The following SMARCAL1 variants were observed in gnomAD, a reference collection of about 807,000 sequenced individuals.
SMARCAL1 encodes the protein ATP-driven annealing helicase.
In SMARCAL1, 58 loss-of-function variants were observed where a neutral mutation model predicts 94.5. The observed-to-expected ratio is 0.61, with a 90% CI of 0.50 to 0.76. SMARCAL1 has a LOEUF of 0.76. Among genes scored for constraint, SMARCAL1 ranks in the 30% least tolerant of loss-of-function variants. The pLI, the probability that SMARCAL1 is intolerant of heterozygous loss-of-function variation, is 0.00. For missense variants in SMARCAL1, 1,051 were observed against 1,177.9 expected (o/e 0.89, Z 1.58); for synonymous variants, 422 against 455.1 (o/e 0.93, Z 0.93).
intron 12 of SMARCAL1, among the ~76,000 whole-genome samples, chr2:216,461,356 G>A (rs1301943289): frequency 6.6e-6 from 1 of 151,620 alleles, no homozygotes; most frequent in Non-Finnish European, 1.5e-5. Context: ...GTGTGTATAT[G>A]TTGCTTTAAG....
At chr2:216,429,765 G>A (rs1469712743) in intron 7 of SMARCAL1, among the ~76,000 whole-genome samples, 1 of 151,154 alleles carries the variant, frequency 6.6e-6, no homozygotes, top group African/African-American at 2.4e-5. Flanking sequence ...TGTGCCGTTT[G>A]GGCACAGTGC....
At chr2:216,414,400 A>G (rs1360722913) in intron 2 of SMARCAL1, 7 of 358,740 alleles carry the variant, frequency 2.0e-5, no homozygotes, top group Non-Finnish European at 3.2e-5. Flanking sequence ...CAAGTGATCC[A>G]CCTGCCTCAG....
intron 12 of SMARCAL1, among the ~76,000 whole-genome samples, chr2:216,457,280 C>T (rs1423700451): frequency 3.3e-5 from 5 of 152,134 alleles, no homozygotes; most frequent in East Asian, 1.9e-4. Flanking sequence ...GACAGATCAA[C>T]GAGACAGAAA....
intron 12 of SMARCAL1, among the ~76,000 whole-genome samples, chr2:216,456,049 G>T (rs1044150572): frequency 6.6e-6 from 1 of 152,194 alleles, no homozygotes; most frequent in African/African-American, 2.4e-5. Flanking sequence ...ACTACGTGAC[G>T]AATGCATAAG....
intron 13 of SMARCAL1, among the ~76,000 whole-genome samples, chr2:216,465,919 A>G (rs1337986501): frequency 6.6e-6 from 1 of 152,104 alleles, no homozygotes; most frequent in East Asian, 1.9e-4. Flanking sequence ...TCGATCTGCA[A>G]TGCCCCCTGG....
At chr2:216,449,237 A>G (rs1036214089) in intron 11 of SMARCAL1, among the ~76,000 whole-genome samples, 1 of 152,206 alleles carries the variant, frequency 6.6e-6, no homozygotes, top group Non-Finnish European at 1.5e-5. Context: ...CCTTCAATCA[A>G]CATAATGAAT....
At chr2:216,416,167 C>T (rs1252870897) in intron 3 of SMARCAL1, 90 bp from the exon 4 acceptor site, 17 of 1,090,772 alleles carry the variant, frequency 1.6e-5, no homozygotes, top group Non-Finnish European at 2.1e-5. Context: ...TTGAACTTGG[C>T]GTCCTTCATT....
At position 216,475,772 on chromosome 2, in the gene SMARCAL1, G is replaced by A. The variant is rs7557888; in HGVS notation, c.2427+321G>A. 0.014 allele frequency among the ~76,000 whole-genome samples: 2,107 copies of A among 152,000 alleles called. 44 individuals carry two copies. The highest frequency in any genetic ancestry group is 0.048 in the African/African-American group (1,997 of 41,456). The stretch of plus-strand genomic sequence containing the variant: ...TAGGATTACAGGTGTGAGCCACCAC[G>A]CCAGGCGATTGGCTGTTTTCTAGAT... On this transcript the variant is annotated intron_variant, in intron 15 of 17. Transcript: ENST00000357276. This position sits in a 1 kb window ranked among gnomAD's most constrained non-coding sequence, Gnocchi z 4.4.
chr2:216,481,229 G>A (rs1364064050), intron 17 of SMARCAL1, among the ~76,000 whole-genome samples: 1 of 152,122 alleles, frequency 6.6e-6, no homozygotes, highest in Non-Finnish European at 1.5e-5. Context: ...GTCTCACTCT[G>A]TCACCCAGGC....
chr2:216,464,008 C>T (rs1694772322), intron 12 of SMARCAL1, among the ~76,000 whole-genome samples: 1 of 152,164 alleles, frequency 6.6e-6, no homozygotes, highest in Non-Finnish European at 1.5e-5. Flanking sequence ...CGCCACTGCA[C>T]TCCAGCCTGG....
rs1694431919 is a variant in SMARCAL1 at position 216,450,828 on chromosome 2, C to T, written c.1852-18C>T. On this transcript the variant is annotated intron_variant, in intron 11 of 17. Transcript: ENST00000357276. ...TGAAAGGAGCCTCATGGGGCTGTCGCTGTCTTGTTCTCTGCAGATGCCTTG... is the reference window on the plus strand; with the variant it reads ...TGAAAGGAGCCTCATGGGGCTGTCGTTGTCTTGTTCTCTGCAGATGCCTTG... 1 of 1,605,964 alleles carries T rather than the reference C, an allele frequency of 6.2e-7. No homozygotes were observed. Among genetic ancestry groups the T allele is most frequent in the Admixed American group, 1.7e-5 (1 of 59,996 alleles).
rs765018454 is a variant in SMARCAL1, at chr2:216,420,423, A to G, written c.987A>G (p.Ser329=). ...QAGLPSAPSL[S]FVKGRCMLIS... ...GCCTTCCATCAGCTCCATCCCTTTC[A>G]TTTGTCAAAGGGCGATGCATGCTCA... The change falls in exon 5 of 18, where the codon TCA becomes TCG. Residue 329 remains serine, a synonymous_variant. Coordinates refer to ENST00000357276, the MANE Select transcript of SMARCAL1 (RefSeq NM_014140.4). 13 of 1,614,004 alleles carry G rather than the reference A, an allele frequency of 8.1e-6. No individual in the cohort carries two copies. Among genetic ancestry groups the G allele is most frequent in the East Asian group, 2.2e-5 (1 of 44,874 alleles).
chr2:216,473,415 C>T (rs1695007847), intron 14 of SMARCAL1, among the ~76,000 whole-genome samples: 1 of 150,306 alleles, frequency 6.7e-6, no homozygotes, highest in African/African-American at 2.5e-5. Context: ...ATGTTCACTC[C>T]CTTTTAGTGC....
chr2:216,435,144 G>T (rs1245522544), intron 8 of SMARCAL1, among the ~76,000 whole-genome samples, 194 bp from the exon 9 acceptor site: 1 of 151,836 alleles, frequency 6.6e-6, no homozygotes, highest in Non-Finnish European at 1.5e-5. Context: ...AGGTGTGAGC[G>T]ACCGCACCCG....
Position 216,413,903 on chromosome 2 carries a change from G to A in SMARCAL1, c.-59+11G>A, listed in dbSNP as rs542733554. On this transcript the variant is annotated intron_variant, in intron 2 of 17. Coordinates refer to ENST00000357276, the MANE Select transcript of SMARCAL1 (RefSeq NM_014140.4). ...AAGTGTCACGCCATGGTATGTGGTT[G>A]GTTGGTCTATTTCAGTCTAATCTAT... is the stretch of plus-strand genomic sequence containing the variant. The A allele has an allele frequency of 1.3e-5, 2 of 152,162 alleles. No homozygotes were observed. Among genetic ancestry groups the A allele is most frequent in the Admixed American group, 1.3e-4 (2 of 15,280 alleles). The allele number at this position is 152,162 out of a possible 1,614,324, so 9.4% of individuals were successfully genotyped here. A position where few individuals can be genotyped will look rare whatever the true frequency, so the allele number is the denominator to read the frequency against.
At chr2:216,476,430 C>A (rs1467338467) in intron 15 of SMARCAL1, among the ~76,000 whole-genome samples, 1 of 152,116 alleles carries the variant, frequency 6.6e-6, no homozygotes, top group Non-Finnish European at 1.5e-5. Flanking sequence ...ATCCTCCCAC[C>A]TCAGCCTCCT....
At chr2:216,464,352 A>G (rs758153287) in intron 12 of SMARCAL1, among the ~76,000 whole-genome samples, 5 of 152,158 alleles carry the variant, frequency 3.3e-5, no homozygotes, top group Non-Finnish European at 7.4e-5. Context: ...TGCCTCTTGG[A>G]TTCTTGCAAT....
chr2:216,423,334 CAG>C (rs1236695372), intron 5 of SMARCAL1, among the ~76,000 whole-genome samples: 1 of 152,242 alleles, frequency 6.6e-6, no homozygotes, highest in African/African-American at 2.4e-5. Flanking sequence ...CCCTGTCACT[CAG>C]GGCATTTCTG....
chr2:216,468,077 A>C, intron 14 of SMARCAL1, 31 bp downstream of exon 14: 2 of 1,486,924 alleles, frequency 1.3e-6, no homozygotes, highest in Non-Finnish European at 1.9e-6. Flanking sequence ...ACCATGGGCT[A>C]CTTTTGCCAT....
Sources: allele counts gnomAD v4.1 joint callset (sites outside exome capture counted in the v4.1 genomes callset), GRCh38; gene constraint gnomAD v4.1.1; non-coding constraint Gnocchi (gnomAD v3.1); transcripts MANE v1.5; gene names NCBI Gene and HGNC (gene_info 2026-07-23, HGNC 2026-07-21).